The following ENOX2 variants were observed in gnomAD, a reference collection of about 807,000 sequenced individuals.
The protein encoded by ENOX2 is APK1 antigen.
ENOX2 carries 36 observed loss-of-function variants against 45.0 expected under a neutral mutation model. The ratio of observed to expected loss-of-function variants is 0.80; its 90% CI spans 0.61 to 1.06. ENOX2 has a LOEUF of 1.06. Among genes scored for constraint, ENOX2 ranks in the 50% least tolerant of loss-of-function variants. ENOX2 has a pLI of 0.00. For missense variants in ENOX2, 423 were observed against 462.5 expected (o/e 0.91, Z 0.78); for synonymous variants, 174 against 152.3 (o/e 1.14, Z -1.05).
chrX:130,652,930 T>G (rs901100207), intron 10 of ENOX2, among the ~76,000 whole-genome samples: 1 of 112,312 alleles, frequency 8.9e-6, no homozygotes, highest in African/African-American at 3.2e-5. Context: ...AATCTTGATC[T>G]CAGACTTCTA....
chrX:130,776,371 G>A (rs1012210648), intron 3 of ENOX2, among the ~76,000 whole-genome samples: 3 of 111,386 alleles, frequency 2.7e-5, no homozygotes, highest in African/African-American at 6.5e-5. Flanking sequence ...TGGAGGTGGG[G>A]CCTGGTGAGA....
At chrX:130,633,838 T>G (rs2035855659) in intron 12 of ENOX2, among the ~76,000 whole-genome samples, 1 of 112,397 alleles carries the variant, frequency 8.9e-6, no homozygotes, top group South Asian at 3.7e-4. Context: ...CCCGATGGCA[T>G]GAGGAAAGTC....
intron 5 of ENOX2, among the ~76,000 whole-genome samples, chrX:130,683,196 C>A (rs1331960428): frequency 8.9e-6 from 1 of 111,910 alleles, no homozygotes; most frequent in Non-Finnish European, 1.9e-5. Context: ...AGAAGTGAGG[C>A]AGGAAGCAGT....
chrX:130,835,563 T>C (rs960995836), intron 2 of ENOX2, among the ~76,000 whole-genome samples: 3 of 111,480 alleles, frequency 2.7e-5, no homozygotes, highest in African/African-American at 9.8e-5. Flanking sequence ...TATATTATGA[T>C]AGGTAAATTC....
chrX:130,668,256 T>C (rs886775327), intron 7 of ENOX2, among the ~76,000 whole-genome samples: 6 of 110,950 alleles, frequency 5.4e-5, no homozygotes, highest in Admixed American at 2.9e-4. Flanking sequence ...CTTGGATCCA[T>C]GGAATTACAG....
chrX:130,755,898 G>A (rs780811259), intron 3 of ENOX2, among the ~76,000 whole-genome samples: 36 of 110,098 alleles, frequency 3.3e-4, no homozygotes, highest in Non-Finnish European at 5.9e-4. Flanking sequence ...CCAGCCTCTG[G>A]TAACCATCCG....
intron 11 of ENOX2, 29 bp downstream of exon 11, chrX:130,637,200 A>G: frequency 8.5e-7 from 1 of 1,182,917 alleles, no homozygotes; most frequent in Non-Finnish European, 1.2e-6. Flanking sequence ...TATTCTACCC[A>G]GAAGCTCAGA....
intron 8 of ENOX2, among the ~76,000 whole-genome samples, chrX:130,666,929 TCTGG>T (rs2036849179): frequency 8.9e-6 from 1 of 112,434 alleles, no homozygotes; most frequent in Non-Finnish European, 1.9e-5. Flanking sequence ...ATTTATCTGA[TCTGG>T]CTCATTTCAG....
chrX:130,703,750 G>C (rs1040142426), intron 3 of ENOX2, among the ~76,000 whole-genome samples: 4 of 111,563 alleles, frequency 3.6e-5, no homozygotes, highest in Non-Finnish European at 7.5e-5. Context: ...CAGTACTATT[G>C]AATAGAGCTG....
intron 4 of ENOX2, among the ~76,000 whole-genome samples, chrX:130,697,762 C>T (rs191579433): frequency 1.8e-5 from 2 of 112,012 alleles, no homozygotes; most frequent in Non-Finnish European, 3.8e-5. Context: ...CTAATAGTTT[C>T]CATGGGGAGT....
intron 2 of ENOX2, among the ~76,000 whole-genome samples, chrX:130,871,324 A>G (rs2078584408): frequency 9.0e-6 from 1 of 111,692 alleles, no homozygotes; most frequent in Non-Finnish European, 1.9e-5. Flanking sequence ...AGGAATAAGA[A>G]AGTCACAGTC....
intron 4 of ENOX2, among the ~76,000 whole-genome samples, chrX:130,694,600 C>CTTTTTTTTTTT (rs1176052103): frequency 2.3e-5 from 2 of 86,193 alleles, no homozygotes; most frequent in Non-Finnish European, 4.6e-5. Flanking sequence ...CTTTTCTTTT[C>CTTTTTTTTTTT]TTTTTTTTTT....
At chrX:130,626,338 A>G (rs1271848001) in intron 14 of ENOX2, among the ~76,000 whole-genome samples, 1 of 112,028 alleles carries the variant, frequency 8.9e-6, no homozygotes, top group Admixed American at 9.5e-5. Flanking sequence ...TTGAATCCCC[A>G]TTTCAGAAAA....
At position 130,656,756 on chromosome X, in the gene ENOX2, G is replaced by C. The variant is rs954746640; in HGVS notation, c.1015-61C>G. Reference sequence around the variant, plus strand: ...CCTTGAAAATGTTGAGGAAATGAATGGAGTTAAGGATAAGATAAAGCAGCA... The same window carrying C: ...CCTTGAAAATGTTGAGGAAATGAATCGAGTTAAGGATAAGATAAAGCAGCA... On this transcript the variant is annotated intron_variant, in intron 9 of 14. Transcript: ENST00000394363. 9.1e-6 allele frequency: 6 copies of C among 656,441 alleles called. No homozygotes were observed. In the African/African-American group the frequency reaches 1.3e-4, roughly 15 times the overall value. The allele number at this position is 656,441 out of a possible 1,213,427, so 54.1% of individuals were successfully genotyped here.
intron 10 of ENOX2, chrX:130,645,930 C>G: frequency 2.9e-6 from 2 of 699,746 alleles, no homozygotes; most frequent in Non-Finnish European, 4.7e-6. Flanking sequence ...CAATAGCAGT[C>G]GTCCCAGCAA....
chrX:130,773,780 G>T (rs1211783665), intron 3 of ENOX2, among the ~76,000 whole-genome samples: 2 of 111,938 alleles, frequency 1.8e-5, no homozygotes, highest in African/African-American at 6.5e-5. Flanking sequence ...TGCAGAATAA[G>T]CAAAATATTT....
chrX:130,667,846 A>G (rs1186259067), intron 7 of ENOX2, 104 bp from the exon 8 acceptor site: 6 of 562,806 alleles, frequency 1.1e-5, no homozygotes. Context: ...AGTGATGGGT[A>G]AATGAATTGC....
chrX:130,625,950 CCCT>C (rs2147995683), intron 14 of ENOX2, among the ~76,000 whole-genome samples: 2 of 109,784 alleles, frequency 1.8e-5, no homozygotes, highest in South Asian at 7.9e-4. Flanking sequence ...ACACACACAC[CCCT>C]CAATACGAAA....
chrX:130,859,607 G>T (rs773640704), intron 2 of ENOX2, among the ~76,000 whole-genome samples: 1 of 111,906 alleles, frequency 8.9e-6, no homozygotes, highest in Admixed American at 9.4e-5. Context: ...CAAAGCCATG[G>T]AAGACAAAAG....
Sources: allele counts gnomAD v4.1 joint callset (sites outside exome capture counted in the v4.1 genomes callset), GRCh38; gene constraint gnomAD v4.1.1; transcripts MANE v1.5; gene names NCBI Gene and HGNC (gene_info 2026-07-23, HGNC 2026-07-21).